The following LHFPL6 variants were observed in gnomAD, a reference collection of about 807,000 sequenced individuals.
The protein encoded by LHFPL6 is LHFPL tetraspan subfamily member 6.
A neutral mutation model predicts 20.6 loss-of-function variants in LHFPL6; 9 were observed. The ratio of observed to expected loss-of-function variants is 0.44; its 90% CI spans 0.26 to 0.76. LHFPL6 has a LOEUF of 0.76. LHFPL6 is among the 30% of genes least tolerant of loss of function. The probability of loss-of-function intolerance (pLI) is 0.20; values close to 1 mark genes in which losing one functional copy is unlikely to be tolerated. For synonymous variants in LHFPL6, 105 were observed against 98.7 expected (o/e 1.06, Z -0.38); for missense variants, 218 against 253.5 (o/e 0.86, Z 0.95).
At chr13:39,362,241 C>A (rs374201538) in intron 3 of LHFPL6, among the ~76,000 whole-genome samples, 9 of 152,272 alleles carry the variant, frequency 5.9e-5, no homozygotes, top group Admixed American at 2.6e-4. Context: ...TGAGTTGTCA[C>A]GAGATCTGGT....
chr13:39,516,563 T>G (rs1869926049), intron 2 of LHFPL6, among the ~76,000 whole-genome samples: 1 of 152,186 alleles, frequency 6.6e-6, no homozygotes, highest in South Asian at 2.1e-4. Flanking sequence ...ACACAGCCAG[T>G]TCATAAGGAG....
chr13:39,347,333 G>A (rs1193948449), intron 3 of LHFPL6, among the ~76,000 whole-genome samples: 1 of 152,110 alleles, frequency 6.6e-6, no homozygotes, highest in Non-Finnish European at 1.5e-5. Context: ...CAGGCCTCTG[G>A]TAAACACCTA....
chr13:39,481,794 T>G (rs954212814), intron 2 of LHFPL6, among the ~76,000 whole-genome samples: 1 of 152,150 alleles, frequency 6.6e-6, no homozygotes, highest in Non-Finnish European at 1.5e-5. Context: ...AAAAATTCAT[T>G]GCAAGATTTT....
chr13:39,530,463 C>T (rs958512679), intron 2 of LHFPL6, among the ~76,000 whole-genome samples: 2 of 151,858 alleles, frequency 1.3e-5, no homozygotes, highest in Admixed American at 1.3e-4. Flanking sequence ...TATGAGGAGA[C>T]GTTCTGTTAC....
intron 2 of LHFPL6, among the ~76,000 whole-genome samples, chr13:39,599,778 T>C (rs1566151646): frequency 6.6e-6 from 1 of 152,246 alleles, no homozygotes; most frequent in Non-Finnish European, 1.5e-5. Context: ...GGTTCTCTAA[T>C]ATGGGGAGAC....
intron 2 of LHFPL6, among the ~76,000 whole-genome samples, chr13:39,450,416 T>C (rs1279796264): frequency 6.6e-6 from 1 of 152,240 alleles, no homozygotes; most frequent in Non-Finnish European, 1.5e-5. Flanking sequence ...TTGTTTGGTT[T>C]AGTCAGTTTA....
At chr13:39,576,205 T>C (rs184558691) in intron 2 of LHFPL6, among the ~76,000 whole-genome samples, 8 of 152,234 alleles carry the variant, frequency 5.3e-5, no homozygotes, top group Admixed American at 4.6e-4. Context: ...TTTAACAGAG[T>C]TCATACAGAC....
chr13:39,458,433 A>T (rs1872618906), intron 2 of LHFPL6, among the ~76,000 whole-genome samples: 1 of 152,178 alleles, frequency 6.6e-6, no homozygotes, highest in Non-Finnish European at 1.5e-5. Flanking sequence ...GCGGTGGCTC[A>T]TGCCTGTAAT....
chr13:39,437,888 C>A (rs539484616), intron 2 of LHFPL6, among the ~76,000 whole-genome samples: 8 of 135,358 alleles, frequency 5.9e-5, no homozygotes, highest in Non-Finnish European at 9.4e-5. Flanking sequence ...GGTGACAGAG[C>A]GAGACTCCGT....
At chr13:39,566,200 T>C (rs1045650542) in intron 2 of LHFPL6, among the ~76,000 whole-genome samples, 1 of 152,144 alleles carries the variant, frequency 6.6e-6, no homozygotes, top group South Asian at 2.1e-4. Flanking sequence ...TCTCAGCCCC[T>C]CATTAAGAAG....
chr13:39,591,121 T>C (rs1159514726), intron 2 of LHFPL6, among the ~76,000 whole-genome samples: 2 of 152,230 alleles, frequency 1.3e-5, no homozygotes, highest in African/African-American at 2.4e-5. Context: ...AGACTTACTA[T>C]GATTATTATT....
intron 2 of LHFPL6, among the ~76,000 whole-genome samples, chr13:39,544,539 G>A (rs558232881): frequency 2.0e-5 from 3 of 152,264 alleles, no homozygotes; most frequent in South Asian, 4.2e-4. Context: ...AATCCTGAGA[G>A]TACACTTGTT....
intron 2 of LHFPL6, among the ~76,000 whole-genome samples, chr13:39,546,651 C>A (rs1870991064): frequency 6.6e-6 from 1 of 152,088 alleles, no homozygotes; most frequent in African/African-American, 2.4e-5. Context: ...GACACGAGAG[C>A]CAGCAATCAG....
chr13:39,541,138 A>C (rs1426839884), intron 2 of LHFPL6, among the ~76,000 whole-genome samples: 2 of 152,326 alleles, frequency 1.3e-5, no homozygotes, highest in Non-Finnish European at 2.9e-5. Flanking sequence ...TGGGAACATA[A>C]GCCACCTCTG....
chr13:39,586,974 T>C (rs889102895), intron 2 of LHFPL6, among the ~76,000 whole-genome samples: 1 of 152,110 alleles, frequency 6.6e-6, no homozygotes, highest in Non-Finnish European at 1.5e-5. Context: ...CTGACCAGCA[T>C]AGTGAAACCC....
chr13:39,473,875 G>A (rs1593326797), intron 2 of LHFPL6, among the ~76,000 whole-genome samples: 2 of 152,190 alleles, frequency 1.3e-5, no homozygotes, highest in Admixed American at 6.5e-5. Context: ...GACACATTAA[G>A]TCTAATTTAT....
At chr13:39,478,281 G>C (rs1238668212) in intron 2 of LHFPL6, among the ~76,000 whole-genome samples, 1 of 151,970 alleles carries the variant, frequency 6.6e-6, no homozygotes, top group South Asian at 2.1e-4. Context: ...TTGGAAACCA[G>C]CACTATAAAC....
chr13:39,369,599 C>CT (rs370421871), intron 3 of LHFPL6, among the ~76,000 whole-genome samples: 121 of 40,164 alleles, frequency 3.0e-3, no homozygotes, highest in East Asian at 8.6e-3. Flanking sequence ...TCCTTCCTTC[C>CT]TCCCTCTCTC....
At chr13:39,518,986 C>T (rs9548794) in intron 2 of LHFPL6, among the ~76,000 whole-genome samples, 12,808 of 152,246 alleles carry the variant, frequency 0.084, 621 homozygotes, top group East Asian at 0.25. Context: ...CCTGTAATTC[C>T]AGAACTTTGG....
Sources: allele counts gnomAD v4.1 joint callset (sites outside exome capture counted in the v4.1 genomes callset), GRCh38; gene constraint gnomAD v4.1.1; transcripts MANE v1.5; gene names NCBI Gene and HGNC (gene_info 2026-07-23, HGNC 2026-07-21).